The following ATP6V0E1 variants were observed in gnomAD, a reference collection of about 807,000 sequenced individuals.
ATP6V0E1 encodes V-type proton ATPase subunit e 1.
ATP6V0E1 carries 4 observed loss-of-function variants against 11.6 expected under a neutral mutation model. The observed-to-expected ratio is 0.35, with a 90% CI of 0.17 to 0.79. ATP6V0E1 has a LOEUF of 0.79. Ranked by LOEUF, ATP6V0E1 falls within the 30% of genes least tolerant of loss-of-function variation. ATP6V0E1 has a pLI of 0.54. For synonymous variants in ATP6V0E1, 36 were observed against 34.8 expected (o/e 1.04, Z -0.13); for missense variants, 105 against 100.0 (o/e 1.05, Z -0.21).
Position 173,034,785 on chromosome 5 carries a change from T to C in ATP6V0E1, c.*423T>C. Reference sequence around the variant, plus strand: ...TGGGGTGGTCAGTAGGAGAGCACGTTCAGAGGGAAGAGCCATCTCAACAGA... The same window carrying C: ...TGGGGTGGTCAGTAGGAGAGCACGTCCAGAGGGAAGAGCCATCTCAACAGA... On this transcript the variant is annotated 3_prime_UTR_variant, in exon 4 of 4. Coordinates refer to ENST00000519374, the MANE Select transcript of ATP6V0E1 (RefSeq NM_003945.4). The C allele has an allele frequency of 4.2e-6, 1 of 235,754 alleles. No homozygotes were observed. The highest frequency in any genetic ancestry group is 8.3e-6 in the Non-Finnish European group (1 of 120,878). 14.6% of individuals were successfully genotyped at this position (235,754 alleles called of 1,614,324 possible).
intron 2 of ATP6V0E1, among the ~76,000 whole-genome samples, chr5:173,011,718 A>C: frequency 6.6e-6 from 1 of 151,050 alleles, no homozygotes. Flanking sequence ...TGTTTGAATA[A>C]TCTCAGATTG....
chr5:173,015,568 C>G (rs1199186742), intron 2 of ATP6V0E1, among the ~76,000 whole-genome samples: 1 of 152,138 alleles, frequency 6.6e-6, no homozygotes, highest in Admixed American at 6.5e-5. Flanking sequence ...CATGCCTACA[C>G]AATGAAGCTT....
At chr5:173,011,522 A>G (rs1756326079) in intron 2 of ATP6V0E1, among the ~76,000 whole-genome samples, 1 of 152,058 alleles carries the variant, frequency 6.6e-6, no homozygotes, top group South Asian at 2.1e-4. Context: ...AGCCTAGTAT[A>G]ATGGGACTCA....
rs189113484 is a variant in ATP6V0E1 at position 173,017,359 on chromosome 5, C to T, written c.153-2879C>T. Among the ~76,000 whole-genome samples the T allele has an allele frequency of 5.0e-3, 751 of 150,304 alleles. 9 individuals carry two copies. Among genetic ancestry groups the T allele is most frequent in the African/African-American group, 0.017 (714 of 40,814 alleles). ...GACCAGCCTTGCCAACATGGTGAAA[C>T]CCCATCTTTACTAAAAATACAAAAA... On this transcript the variant is annotated intron_variant, in intron 2 of 3. Transcript: ENST00000519374.
Position 173,005,906 on chromosome 5 carries a change from C to T in ATP6V0E1, c.152+11084C>T, listed in dbSNP as rs150208869. Among the ~76,000 whole-genome samples the T allele has an allele frequency of 5.2e-3, 793 of 152,232 alleles. 29 individuals carry two copies. Among genetic ancestry groups the T allele is most frequent in the Admixed American group, 0.045 (683 of 15,290 alleles). Reference sequence around the variant, plus strand: ...TAATTTCTAAATATCTGGTGCTGTTCCAGATGTCTTCTTACTGTTAATTGA... The same window carrying T: ...TAATTTCTAAATATCTGGTGCTGTTTCAGATGTCTTCTTACTGTTAATTGA... On this transcript the variant is annotated intron_variant, in intron 2 of 3. Transcript: ENST00000519374.
chr5:173,032,483 GT>G (rs1756680267), intron 3 of ATP6V0E1, among the ~76,000 whole-genome samples: 1 of 151,714 alleles, frequency 6.6e-6, no homozygotes. Context: ...TAGAGATGGG[GT>G]TTTACCATGC....
chr5:173,034,652 A>T lies in ATP6V0E1; in HGVS notation c.*290A>T, dbSNP rs1581639790. On this transcript the variant is annotated 3_prime_UTR_variant, in exon 4 of 4. Transcript: ENST00000519374. ...ATAGAAGATGCTGTTCTTCTGAGAGATACGTTACTCTCTCCTTGGAATCTG... is the reference window on the plus strand; with the variant it reads ...ATAGAAGATGCTGTTCTTCTGAGAGTTACGTTACTCTCTCCTTGGAATCTG... 6 of 547,106 alleles carry T rather than the reference A, an allele frequency of 1.1e-5. No homozygotes were observed. The South Asian group carries it at 1.4e-4, about 13-fold the overall frequency. 33.9% of individuals were successfully genotyped at this position (547,106 alleles called of 1,614,324 possible).
rs192697496 is a variant in ATP6V0E1 at position 173,033,859 on chromosome 5, T to C, written c.*37-540T>C. Among the ~76,000 whole-genome samples, 236 of 151,026 alleles carry C rather than the reference T, an allele frequency of 1.6e-3. 2 individuals carry two copies. The highest frequency in any genetic ancestry group is 6.8e-3 in the Middle Eastern group (2 of 292). On this transcript the variant is annotated intron_variant, in intron 3 of 3. Transcript: ENST00000519374. ...ACCCTGTGTCCGAAAAAAACAAAAA[T>C]AAAACAAAACAAAAAAAAAGATGGT...
In ATP6V0E1 at chr5:173,029,414, A is replaced by G. The variant is rs79525255; in HGVS notation, c.*37-4985A>G. On this transcript the variant is annotated intron_variant, in intron 3 of 3. Coordinates refer to ENST00000519374, the MANE Select transcript of ATP6V0E1 (RefSeq NM_003945.4). The stretch of plus-strand genomic sequence containing the variant: ...CTTTTTTCTCCTCTTCCTCAAATCC[A>G]TTTGCTCTCATTATGTCTCTTGTGT... 8.9e-3 allele frequency among the ~76,000 whole-genome samples: 1,344 copies of G among 151,726 alleles called. 21 individuals carry two copies. Among genetic ancestry groups the G allele is most frequent in the African/African-American group, 0.031 (1,265 of 41,336 alleles).
intron 3 of ATP6V0E1, among the ~76,000 whole-genome samples, chr5:173,021,242 C>G (rs560447578): frequency 1.5e-4 from 22 of 151,338 alleles, no homozygotes; most frequent in African/African-American, 5.2e-4. Flanking sequence ...TCACTCGTTA[C>G]TATGGGGAGG....
intron 2 of ATP6V0E1, among the ~76,000 whole-genome samples, chr5:173,004,625 A>G (rs1019427074): frequency 2.0e-5 from 3 of 152,200 alleles, no homozygotes; most frequent in African/African-American, 7.2e-5. Flanking sequence ...TGGGGTCATA[A>G]TAGATGGTCC....
In ATP6V0E1 at chr5:173,034,816, A is replaced by T. The variant is rs150151566; in HGVS notation, c.*454A>T. 1 of 188,412 alleles carries T rather than the reference A, an allele frequency of 5.3e-6. No homozygotes were observed. Among genetic ancestry groups the T allele is most frequent in the African/African-American group, 2.3e-5 (1 of 43,140 alleles). 11.7% of individuals were successfully genotyped at this position (188,412 alleles called of 1,614,324 possible). A position where few individuals can be genotyped will look rare whatever the true frequency, so the allele number is the denominator to read the frequency against. On this transcript the variant is annotated 3_prime_UTR_variant, in exon 4 of 4. Coordinates refer to ENST00000519374, the MANE Select transcript of ATP6V0E1 (RefSeq NM_003945.4). ...GGAAGAGCCATCTCAACAGAATCGC[A>T]CCAAACTATACTTTCAGGATGAATT...
In ATP6V0E1 at chr5:172,994,756, C is replaced by A; in HGVS notation, c.105-19C>A. 1 of 1,373,280 alleles carries A rather than the reference C, an allele frequency of 7.3e-7. No homozygotes were observed. 85.1% of individuals were successfully genotyped at this position (1,373,280 alleles called of 1,614,324 possible). On this transcript the variant is annotated intron_variant, in intron 1 of 3. Coordinates refer to ENST00000519374, the MANE Select transcript of ATP6V0E1 (RefSeq NM_003945.4). ...TTTGCTAGTTATTTAATGACATTTG[C>A]ATTTTTTTTTTTTTTTAGAGTTATC...
intron 1 of ATP6V0E1, among the ~76,000 whole-genome samples, chr5:172,992,832 C>G (rs1756006969): frequency 6.6e-6 from 1 of 152,072 alleles, no homozygotes; most frequent in Non-Finnish European, 1.5e-5. Flanking sequence ...GAGTCTTGCT[C>G]TGTCGCCCAT....
chr5:173,017,651 G>A (rs1228931011), intron 2 of ATP6V0E1, among the ~76,000 whole-genome samples: 1 of 151,896 alleles, frequency 6.6e-6, no homozygotes, highest in Non-Finnish European at 1.5e-5. Flanking sequence ...CACCAGCCTG[G>A]CCAACATAGT....
intron 2 of ATP6V0E1, among the ~76,000 whole-genome samples, chr5:173,019,333 A>G (rs550535467): frequency 1.1e-4 from 17 of 152,166 alleles, no homozygotes; most frequent in Non-Finnish European, 2.1e-4. Context: ...AGGCGGGCAC[A>G]TCACGAGGTC....
At chr5:173,024,582 A>G (rs1756528423) in intron 3 of ATP6V0E1, among the ~76,000 whole-genome samples, 1 of 152,066 alleles carries the variant, frequency 6.6e-6, no homozygotes, top group Non-Finnish European at 1.5e-5. Flanking sequence ...CACTAAAAGG[A>G]TGTCTGGTTT....
rs137878870 is a variant in ATP6V0E1, at chr5:173,024,515, A to G, written c.*36+4148A>G. 5.7e-3 allele frequency among the ~76,000 whole-genome samples: 867 copies of G among 152,048 alleles called. 12 individuals carry two copies. The highest frequency in any genetic ancestry group is 0.02 in the African/African-American group (812 of 41,502). ...ATCAAAATGTCCAGGCCCCTCTTCT[A>G]TATTTTCTGTCCGAGACTTAGATTT... On this transcript the variant is annotated intron_variant, in intron 3 of 3. Coordinates refer to ENST00000519374, the MANE Select transcript of ATP6V0E1 (RefSeq NM_003945.4).
rs1179398027 is a variant in ATP6V0E1 at position 172,991,999 on chromosome 5, C to CT, written c.105-2774dup. 6.6e-3 allele frequency among the ~76,000 whole-genome samples: 743 copies of CT among 112,216 alleles called. 7 individuals are homozygous for CT. Among genetic ancestry groups the CT allele is most frequent in the African/African-American group, 0.031 (706 of 22,970 alleles). The allele number at this position is 112,216 out of a possible 152,430, so 73.6% of individuals were successfully genotyped here. A position where few individuals can be genotyped will look rare whatever the true frequency, so the allele number is the denominator to read the frequency against. On this transcript the variant is annotated intron_variant, in intron 1 of 3. Coordinates refer to ENST00000519374, the MANE Select transcript of ATP6V0E1 (RefSeq NM_003945.4). ...TTTATTTTTCTTTCTTTCCTTCTTT[C>CT]TTCTTTCTGTCTGTCTTTCTGTCTT...
Sources: gnomAD v4.1 joint callset for allele counts (sites outside exome capture counted in the v4.1 genomes callset) on GRCh38, gnomAD v4.1.1 for gene constraint, MANE v1.5 for transcripts, NCBI Gene and HGNC (gene_info 2026-07-23, HGNC 2026-07-21) for gene names.